Variants in PIAS2 observed in about 807,000 individuals in gnomAD.
PIAS2 encodes E3 SUMO-protein ligase PIAS2.
A neutral mutation model predicts 69.7 loss-of-function variants in PIAS2; 19 were observed. The observed-to-expected ratio is 0.27, with a 90% CI of 0.19 to 0.40. The LOEUF (loss-of-function observed/expected upper bound fraction) is 0.40. Among genes scored for constraint, PIAS2 ranks in the 10% least tolerant of loss-of-function variants. PIAS2 has a pLI of 1.00. For missense variants in PIAS2, 624 were observed against 757.0 expected (o/e 0.82, Z 2.06); for synonymous variants, 261 against 263.2 (o/e 0.99, Z 0.08).
rs2040611564 is a variant in PIAS2, at chr18:46,804,777, G to A, written c.*7656C>T. 1 of 152,212 alleles carries A rather than the reference G, an allele frequency of 6.6e-6. No individual in the cohort carries two copies. Among genetic ancestry groups the A allele is most frequent in the Non-Finnish European group, 1.5e-5 (1 of 68,064 alleles). 9.4% of individuals were successfully genotyped at this position (152,212 alleles called of 1,614,324 possible). ...TCACACCTCTGTTGACGCTATTGGA[G>A]CACAACTTTGGTGGGGGCAGGATCC... is the stretch of plus-strand genomic sequence containing the variant. On this transcript the variant is annotated 3_prime_UTR_variant, in exon 14 of 14. Coordinates refer to ENST00000585916, the MANE Select transcript of PIAS2 (RefSeq NM_004671.5).
intron 3 of PIAS2, among the ~76,000 whole-genome samples, chr18:46,856,345 AT>A (rs1158957464): frequency 6.6e-6 from 1 of 152,044 alleles, no homozygotes; most frequent in African/African-American, 2.4e-5. Context: ...GGATATTCTT[AT>A]TGATCTCAAG....
intron 9 of PIAS2, among the ~76,000 whole-genome samples, chr18:46,834,171 G>C (rs2044096041): frequency 6.6e-6 from 1 of 152,070 alleles, no homozygotes; most frequent in Admixed American, 6.6e-5. Context: ...CTGGAAAAAG[G>C]AATCACAAAT....
In PIAS2 at chr18:46,829,757, C is replaced by G; in HGVS notation, c.1313G>C (p.Ser438Thr). 1 of 1,613,390 alleles carries G rather than the reference C, an allele frequency of 6.2e-7. No individual in the cohort carries two copies. The highest frequency in any genetic ancestry group is 8.5e-7 in the Non-Finnish European group (1 of 1,179,660). Residue 438 changes from serine to threonine, a missense_variant, in exon 10 of 14, where the codon AGC (serine) becomes ACC (threonine). Ser to Thr is a moderately conservative substitution (Grantham distance 58). Transcript: ENST00000585916. ...RPKKEAMKVS[S>T]QPCTKIESSS... is the part of the protein sequence containing the mutation. ...ACTTTCTATTTTTGTACACGGTTGG[C>G]TGGATACTTTCATAGCTTCTTTCTT...
intron 3 of PIAS2, among the ~76,000 whole-genome samples, chr18:46,862,654 TACACATATATATAC>T (rs1212975523): frequency 7.9e-4 from 120 of 152,194 alleles, no homozygotes; most frequent in African/African-American, 1.5e-3. Context: ...TACACATATA[TACACATATATATAC>T]ACACATATAT....
At position 46,821,083 on chromosome 18, in the gene PIAS2, T is replaced by C. The variant is rs1348939415; in HGVS notation, c.1509-11A>G. 6 of 1,612,604 alleles carry C rather than the reference T, an allele frequency of 3.7e-6. No homozygotes were observed. Among genetic ancestry groups the C allele is most frequent in the South Asian group, 1.1e-5 (1 of 90,940 alleles). On this transcript the variant is annotated splice_polypyrimidine_tract_variant and intron_variant, in intron 11 of 13. Transcript: ENST00000585916. ...TGATACATGAGAACCCTGTTTTAAA[T>C]AGCACGGGAAATTACAAACAATCTG...
intron 1 of PIAS2, among the ~76,000 whole-genome samples, chr18:46,899,753 C>T (rs2055498696): frequency 6.6e-6 from 1 of 152,078 alleles, no homozygotes; most frequent in South Asian, 2.1e-4. Context: ...CATGCTGGGC[C>T]CAGAATGAGT....
chr18:46,874,818 T>C (rs1357633289), intron 2 of PIAS2, among the ~76,000 whole-genome samples: 1 of 152,140 alleles, frequency 6.6e-6, no homozygotes, highest in Non-Finnish European at 1.5e-5. Context: ...TCCCAGCATG[T>C]CAGCATCAGC....
chr18:46,906,138 G>A (rs1479975640), intron 1 of PIAS2: 1 of 152,058 alleles, frequency 6.6e-6, no homozygotes, highest in Non-Finnish European at 1.5e-5. Flanking sequence ...ATTCATTCAT[G>A]ATTTTTTAAA....
At chr18:46,854,460 C>T (rs1568532105) in intron 5 of PIAS2, among the ~76,000 whole-genome samples, 1 of 152,126 alleles carries the variant, frequency 6.6e-6, no homozygotes, top group East Asian at 1.9e-4. Context: ...GACAAACGTG[C>T]CATGTTGTAC....
At chr18:46,872,296 G>A (rs1226731910) in intron 2 of PIAS2, among the ~76,000 whole-genome samples, 10 of 152,206 alleles carry the variant, frequency 6.6e-5, no homozygotes, top group Non-Finnish European at 1.0e-4. Context: ...TACAGTGATA[G>A]ACTTAAAAGA....
At chr18:46,920,130 G>A, upstream of PIAS2, 1 of 1,278,834 alleles carries the variant, frequency 7.8e-7, no homozygotes, top group Non-Finnish European at 1.0e-6. Context: ...GCTCCTGGAT[G>A]GGTTGGGTAG....
At chr18:46,830,014 C>T in intron 9 of PIAS2, 147 bp from the exon 10 acceptor site, 1 of 632,070 alleles carries the variant, frequency 1.6e-6, no homozygotes, top group Non-Finnish European at 2.7e-6. Flanking sequence ...TACTTTACAA[C>T]AATTATTACA....
chr18:46,848,376 C>T (rs1469966255), intron 5 of PIAS2, among the ~76,000 whole-genome samples: 4 of 152,188 alleles, frequency 2.6e-5, no homozygotes, highest in African/African-American at 9.7e-5. Context: ...GGGAGTACAG[C>T]TAACCAGTCA....
At chr18:46,875,810 A>C (rs1354698587) in intron 2 of PIAS2, among the ~76,000 whole-genome samples, 1 of 152,222 alleles carries the variant, frequency 6.6e-6, no homozygotes, top group African/African-American at 2.4e-5. Flanking sequence ...AGAGGCCCAG[A>C]CTGTCCCCTT....
intron 2 of PIAS2, among the ~76,000 whole-genome samples, chr18:46,877,263 A>C (rs1268809076): frequency 6.6e-6 from 1 of 152,216 alleles, no homozygotes; most frequent in Non-Finnish European, 1.5e-5. Context: ...AAAACGTTTG[A>C]AGAGGAAGAA....
chr18:46,855,488 A>G lies in PIAS2; in HGVS notation c.636-53T>C, dbSNP rs142840449. On this transcript the variant is annotated intron_variant, in intron 4 of 13. Coordinates refer to ENST00000585916, the MANE Select transcript of PIAS2 (RefSeq NM_004671.5). Reference sequence around the variant, plus strand: ...TTAAATAGTGTGCTCAAACATTCTTATATGTTTTAAAATTCAGAACTACAT... The same window carrying G: ...TTAAATAGTGTGCTCAAACATTCTTGTATGTTTTAAAATTCAGAACTACAT... 7 of 1,563,826 alleles carry G rather than the reference A, an allele frequency of 4.5e-6. No homozygotes were observed. The African/African-American group carries it at 6.8e-5, about 15-fold the overall frequency.
At chr18:46,823,620 T>A (rs542919117) in intron 11 of PIAS2, among the ~76,000 whole-genome samples, 1 of 152,328 alleles carries the variant, frequency 6.6e-6, no homozygotes, top group East Asian at 1.9e-4. Flanking sequence ...ACCAAAAGGT[T>A]GACTGTCAAA....
At chr18:46,846,492 C>T in intron 6 of PIAS2, 1 of 375,172 alleles carries the variant, frequency 2.7e-6, no homozygotes, top group Non-Finnish European at 4.7e-6. Context: ...TATTTCCTTT[C>T]CAGGAAAATA....
intron 2 of PIAS2, among the ~76,000 whole-genome samples, chr18:46,889,512 C>A (rs1239983090): frequency 1.3e-5 from 2 of 151,874 alleles, no homozygotes; most frequent in Non-Finnish European, 2.9e-5. Context: ...ACATGCAAAT[C>A]AAAGCTACAA....
Sources: allele counts gnomAD v4.1 joint callset (sites outside exome capture counted in the v4.1 genomes callset), GRCh38; gene constraint gnomAD v4.1.1; transcripts MANE v1.5; gene names NCBI Gene and HGNC (gene_info 2026-07-23, HGNC 2026-07-21).